Variants in VWA8 observed in about 807,000 individuals in gnomAD.
VWA8 encodes von Willebrand factor A domain-containing protein 8.
Under a neutral mutation model 241.5 loss-of-function variants are expected in VWA8, and 221 were observed. The ratio of observed to expected loss-of-function variants is 0.91; its 90% CI spans 0.82 to 1.02. VWA8 has a LOEUF of 1.02. Ranked by LOEUF, VWA8 falls within the 50% of genes least tolerant of loss-of-function variation. The pLI, the probability that VWA8 is intolerant of heterozygous loss-of-function variation, is 0.00. For missense variants in VWA8, 2,322 were observed against 2,328.7 expected (o/e 1.00, Z 0.06); for synonymous variants, 852 against 827.1 (o/e 1.03, Z -0.52).
intron 2 of VWA8, among the ~76,000 whole-genome samples, chr13:41,914,224 A>G (rs185029369): frequency 5.3e-5 from 8 of 152,334 alleles, no homozygotes; most frequent in Admixed American, 5.2e-4. Context: ...CAGATATATA[A>G]CATATCTATG....
At chr13:41,931,658 T>C (rs1305998089) in intron 2 of VWA8, among the ~76,000 whole-genome samples, 1 of 151,944 alleles carries the variant, frequency 6.6e-6, no homozygotes, top group Non-Finnish European at 1.5e-5. Context: ...TTTTACTATC[T>C]ATATATATCT....
intron 26 of VWA8, among the ~76,000 whole-genome samples, chr13:41,706,595 C>T (rs1280334098): frequency 6.6e-6 from 1 of 152,158 alleles, no homozygotes; most frequent in African/African-American, 2.4e-5. Context: ...CTTTCTCTCC[C>T]TTGGTAAGTT....
chr13:41,765,686 A>T (rs2045774458), intron 20 of VWA8, among the ~76,000 whole-genome samples: 1 of 152,196 alleles, frequency 6.6e-6, no homozygotes, highest in Non-Finnish European at 1.5e-5. Context: ...CCCAATGTCC[A>T]GTTGCTTAAA....
In VWA8 at chr13:41,611,496, C is replaced by G. The variant is rs1338054853; in HGVS notation, c.4877+80G>C. ...CATGAGGTGGAGGTGGAAACACACA[C>G]AAATCTAGGTTTCCCCACAGTCCAT... On this transcript the variant is annotated intron_variant, in intron 39 of 44. Transcript: ENST00000379310. The G allele has an allele frequency of 3.3e-6, 5 of 1,505,142 alleles. No homozygotes were observed. The Admixed American group carries it at 9.3e-5, about 28-fold the overall frequency. 93.2% of individuals were successfully genotyped at this position (1,505,142 alleles called of 1,614,324 possible).
chr13:41,694,132 A>G (rs933385198), intron 29 of VWA8, among the ~76,000 whole-genome samples: 2 of 152,018 alleles, frequency 1.3e-5, no homozygotes, highest in African/African-American at 4.8e-5. Context: ...AGAATACAAC[A>G]ATGAATTAAT....
chr13:41,926,935 T>A, intron 2 of VWA8: 1 of 545,124 alleles, frequency 1.8e-6, no homozygotes, highest in South Asian at 1.5e-5. Flanking sequence ...GGGGAGTTCC[T>A]GGAAATGATT....
At chr13:41,673,373 C>CG (rs1435147751) in intron 36 of VWA8, among the ~76,000 whole-genome samples, 4 of 152,042 alleles carry the variant, frequency 2.6e-5, no homozygotes, top group Non-Finnish European at 1.5e-5. Flanking sequence ...AAGCTACTAG[C>CG]AAAAAACTGA....
intron 37 of VWA8, among the ~76,000 whole-genome samples, chr13:41,634,106 C>T (rs2044742180): frequency 6.6e-6 from 1 of 152,128 alleles, no homozygotes; most frequent in African/African-American, 2.4e-5. Context: ...GGTGCCGTGG[C>T]TTGGTCAGCA....
At chr13:41,704,754 C>A (rs1208983474) in intron 26 of VWA8, among the ~76,000 whole-genome samples, 1 of 152,096 alleles carries the variant, frequency 6.6e-6, no homozygotes, top group Admixed American at 6.6e-5. Context: ...CAAGTGTAAG[C>A]CAAGTCTTCA....
At chr13:41,614,836 C>A in intron 38 of VWA8, 140 bp downstream of exon 38, 1 of 824,936 alleles carries the variant, frequency 1.2e-6, no homozygotes. Flanking sequence ...GGGCAGAGGG[C>A]AAGACAACAA....
chr13:41,616,523 C>T (rs1169045327), intron 37 of VWA8, among the ~76,000 whole-genome samples: 1 of 152,052 alleles, frequency 6.6e-6, no homozygotes, highest in Admixed American at 6.5e-5. Flanking sequence ...AAAATACTTT[C>T]CCAAAAACTT....
chr13:41,573,402 A>AG, intron 43 of VWA8, among the ~76,000 whole-genome samples: 1 of 141,788 alleles, frequency 7.1e-6, no homozygotes, highest in Middle Eastern at 3.8e-3. Context: ...TGAGCAACGG[A>AG]GCAAGACTCC....
At chr13:41,712,390 T>C (rs777683544) in intron 26 of VWA8, among the ~76,000 whole-genome samples, 9 of 152,094 alleles carry the variant, frequency 5.9e-5, no homozygotes, top group Non-Finnish European at 1.2e-4. Context: ...TATGTATCAA[T>C]AAAAAAAGAT....
At chr13:41,657,665 A>G (rs2044917871) in intron 37 of VWA8, among the ~76,000 whole-genome samples, 1 of 150,340 alleles carries the variant, frequency 6.7e-6, no homozygotes, top group Non-Finnish European at 1.5e-5. Flanking sequence ...AATTTTTTGT[A>G]TTTTTAGTAG....
intron 3 of VWA8, among the ~76,000 whole-genome samples, chr13:41,908,569 G>A (rs1475462949): frequency 6.6e-6 from 1 of 151,948 alleles, no homozygotes; most frequent in Non-Finnish European, 1.5e-5. Context: ...TTAAAAAGGA[G>A]AGGAAGGAGG....
At chr13:41,593,745 T>C (rs959400835) in intron 40 of VWA8, among the ~76,000 whole-genome samples, 3 of 152,212 alleles carry the variant, frequency 2.0e-5, no homozygotes, top group African/African-American at 7.2e-5. Flanking sequence ...TGGATTCTAA[T>C]GGCTTTCATA....
rs889652939 is a variant in VWA8 at position 41,796,397 on chromosome 13, A to G, written c.2064-8854T>C. Among the ~76,000 whole-genome samples the G allele has an allele frequency of 8.6e-5, 13 of 152,016 alleles. No homozygotes were observed. The East Asian group carries it at 2.5e-3, about 29-fold the overall frequency. On this transcript the variant is annotated intron_variant, in intron 17 of 44. Coordinates refer to ENST00000379310, the MANE Select transcript of VWA8 (RefSeq NM_015058.2). ...CTTTAATGGTTATGGGTCGATTTGA[A>G]TTTTCTATTCATTCTTGACCAATTT...
intron 37 of VWA8, among the ~76,000 whole-genome samples, chr13:41,664,572 G>A (rs1173993205): frequency 1.3e-5 from 2 of 152,010 alleles, no homozygotes; most frequent in Non-Finnish European, 2.9e-5. Context: ...TGTCCTAATT[G>A]GTGCCTTTTG....
chr13:41,699,478 C>T (rs2045236205), intron 28 of VWA8, among the ~76,000 whole-genome samples: 1 of 152,168 alleles, frequency 6.6e-6, no homozygotes, highest in Non-Finnish European at 1.5e-5. Context: ...CACCTACCTA[C>T]TTGAAAAAAT....
Sources: allele counts gnomAD v4.1 joint callset (sites outside exome capture counted in the v4.1 genomes callset), GRCh38; gene constraint gnomAD v4.1.1; transcripts MANE v1.5; gene names NCBI Gene and HGNC (gene_info 2026-07-23, HGNC 2026-07-21).